Variants in PHACTR2 observed in about 807,000 individuals in gnomAD.
PHACTR2 encodes chromosome 6 open reading frame 56.
PHACTR2 carries 30 observed loss-of-function variants against 76.0 expected under a neutral mutation model. The ratio of observed to expected loss-of-function variants is 0.39; its 90% CI spans 0.30 to 0.54. PHACTR2 has a LOEUF of 0.54. Ranked by LOEUF, PHACTR2 falls within the 20% of genes least tolerant of loss-of-function variation. The pLI, the probability that PHACTR2 is intolerant of heterozygous loss-of-function variation, is 0.61. For missense variants in PHACTR2, 696 were observed against 781.1 expected (o/e 0.89, Z 1.30); for synonymous variants, 292 against 292.5 (o/e 1.00, Z 0.02).
rs1307746615 is a variant in PHACTR2 at position 143,742,388 on chromosome 6, G to A, written c.215-6597G>A. ...AGTTCTCCTCTTGCGGAGGCAAGGT[G>A]GCCACTAGCCACTCTTGCTCATATT... On this transcript the variant is annotated intron_variant, in intron 2 of 12. Coordinates refer to ENST00000440869, the MANE Select transcript of PHACTR2 (RefSeq NM_001100164.2). The surrounding 1 kb of genome is among the most constrained non-coding windows in gnomAD (Gnocchi z 4.5). 3.3e-5 allele frequency among the ~76,000 whole-genome samples: 5 copies of A among 152,162 alleles called. No individual in the cohort carries two copies. In the East Asian group the frequency reaches 7.7e-4, roughly 23 times the overall value.
At chr6:143,567,510 T>C (rs1239749627) in intron 1 of PHACTR2, among the ~76,000 whole-genome samples, 1 of 152,246 alleles carries the variant, frequency 6.6e-6, no homozygotes, top group Non-Finnish European at 1.5e-5. Flanking sequence ...GTGATTCTTC[T>C]GTCTGAGCCT....
chr6:143,802,473 C>T (rs1362699516), intron 11 of PHACTR2, among the ~76,000 whole-genome samples: 1 of 141,784 alleles, frequency 7.1e-6, no homozygotes. Flanking sequence ...AACCTCATCT[C>T]CACAAATTTT....
chr6:143,789,158 G>T lies in PHACTR2; in HGVS notation c.1845+248G>T. The T allele has an allele frequency of 3.0e-6, 1 of 333,244 alleles. No individual in the cohort carries two copies. Among genetic ancestry groups the T allele is most frequent in the Admixed American group, 4.1e-5 (1 of 24,420 alleles). The allele number at this position is 333,244 out of a possible 1,614,324, so 20.6% of individuals were successfully genotyped here. ...ACCTGCTTTCATACCTGGATGAGGA[G>T]GGCTTTCTCACATCCAGGATTTATC... On this transcript the variant is annotated intron_variant, in intron 11 of 12. Transcript: ENST00000440869. The surrounding 1 kb of genome is among the most constrained non-coding windows in gnomAD (Gnocchi z 5.1).
chr6:143,661,404 G>C (rs1276943315), intron 1 of PHACTR2, among the ~76,000 whole-genome samples: 1 of 151,918 alleles, frequency 6.6e-6, no homozygotes, highest in African/African-American at 2.4e-5. Context: ...GTGGGTTTTA[G>C]AATATTTAGA....
intron 1 of PHACTR2, among the ~76,000 whole-genome samples, chr6:143,576,364 G>A (rs1338771238): frequency 6.6e-6 from 1 of 152,176 alleles, no homozygotes; most frequent in Non-Finnish European, 1.5e-5. Context: ...TCCTGAAAAA[G>A]CAAGTTTGCT....
In PHACTR2 at chr6:143,801,391, C is replaced by T. The variant is rs1023981889; in HGVS notation, c.1846-5666C>T. The stretch of plus-strand genomic sequence containing the variant: ...TCTCATATTTATTGGAGGCTTTGTT[C>T]ATTTCTTTTCACTCCTTATTCTCTA... On this transcript the variant is annotated intron_variant, in intron 11 of 12. Coordinates refer to ENST00000440869, the MANE Select transcript of PHACTR2 (RefSeq NM_001100164.2). This position sits in a 1 kb window ranked among gnomAD's most constrained non-coding sequence, Gnocchi z 4.6. Among the ~76,000 whole-genome samples the T allele has an allele frequency of 6.6e-6, 1 of 152,120 alleles. No homozygotes were observed. The highest frequency in any genetic ancestry group is 2.4e-5 in the African/African-American group (1 of 41,412).
chr6:143,762,877 A>AT lies in PHACTR2; in HGVS notation c.694+2246dup, dbSNP rs77874513. On this transcript the variant is annotated intron_variant, in intron 5 of 12. Coordinates refer to ENST00000440869, the MANE Select transcript of PHACTR2 (RefSeq NM_001100164.2). The stretch of plus-strand genomic sequence containing the variant: ...AAGTACTTAACTGAGGAGAGGCGAC[A>AT]TTTTTTTTTATCATGCCCTTAATTG... 3.8e-3 allele frequency among the ~76,000 whole-genome samples: 572 copies of AT among 151,594 alleles called. 16 individuals are homozygous for AT. In the East Asian group the frequency reaches 0.064, roughly 17 times the overall value.
intron 12 of PHACTR2, among the ~76,000 whole-genome samples, chr6:143,808,373 C>G (rs968715519): frequency 5.3e-5 from 8 of 152,016 alleles, no homozygotes; most frequent in African/African-American, 1.9e-4. Flanking sequence ...GAGTGATCCG[C>G]CCACCTCAGC....
intron 1 of PHACTR2, among the ~76,000 whole-genome samples, chr6:143,705,540 C>T (rs1778033320): frequency 6.6e-6 from 1 of 152,174 alleles, no homozygotes; most frequent in Admixed American, 6.5e-5. Flanking sequence ...GCGTGATCTG[C>T]CCACCTCAGC....
rs1779288726 is a variant in PHACTR2, at chr6:143,755,983, T to A, written c.454+2071T>A. Among the ~76,000 whole-genome samples, 1 of 152,004 alleles carries A rather than the reference T, an allele frequency of 6.6e-6. No homozygotes were observed. The highest frequency in any genetic ancestry group is 6.5e-5 in the Admixed American group (1 of 15,268). On this transcript the variant is annotated intron_variant, in intron 4 of 12. Transcript: ENST00000440869. The surrounding 1 kb of genome is among the most constrained non-coding windows in gnomAD (Gnocchi z 5.2). ...CTGCCGTGCAAACCCCACCATCCCA[T>A]GATCTTAATTCACCCTTTATTTTGG...
intron 1 of PHACTR2, among the ~76,000 whole-genome samples, chr6:143,691,284 A>C (rs1185950482): frequency 1.5e-5 from 2 of 135,220 alleles, no homozygotes; most frequent in East Asian, 4.6e-4. Flanking sequence ...TCTGTATTTA[A>C]ATTAAAAAAA....
Position 143,765,856 on chromosome 6 carries a change from C to A in PHACTR2, c.1232+58C>A. On this transcript the variant is annotated intron_variant, in intron 6 of 12. Transcript: ENST00000440869. The surrounding 1 kb of genome is among the most constrained non-coding windows in gnomAD (Gnocchi z 4.1). ...GAGAACTAAAGATCACTAATATATT[C>A]TGTTGGAAATGAAGCACCGGGTTTG... 7.0e-7 allele frequency: 1 copy of A among 1,418,830 alleles called. No homozygotes were observed. The highest frequency in any genetic ancestry group is 9.7e-7 in the Non-Finnish European group (1 of 1,033,426). 87.9% of individuals were successfully genotyped at this position (1,418,830 alleles called of 1,614,324 possible). A position where few individuals can be genotyped will look rare whatever the true frequency, so the allele number is the denominator to read the frequency against.
chr6:143,638,879 A>G (rs1353321194), intron 1 of PHACTR2, among the ~76,000 whole-genome samples: 1 of 152,082 alleles, frequency 6.6e-6, no homozygotes, highest in Admixed American at 6.5e-5. Context: ...TACTCTGTCA[A>G]TTTTCCTGCC....
Position 143,780,278 on chromosome 6 carries a change from T to A in PHACTR2, c.1645+2895T>A, listed in dbSNP as rs554012844. 6.6e-6 allele frequency among the ~76,000 whole-genome samples: 1 copy of A among 152,184 alleles called. No homozygotes were observed. Among genetic ancestry groups the A allele is most frequent in the African/African-American group, 2.4e-5 (1 of 41,448 alleles). ...CATCTGTTGATCCAGCTTTTTTTAA[T>A]GCACTTTAAGTTTATGTGTGTCTTT... On this transcript the variant is annotated intron_variant, in intron 9 of 12. Coordinates refer to ENST00000440869, the MANE Select transcript of PHACTR2 (RefSeq NM_001100164.2). The surrounding 1 kb of genome is among the most constrained non-coding windows in gnomAD (Gnocchi z 4.4).
intron 2 of PHACTR2, among the ~76,000 whole-genome samples, chr6:143,720,704 TG>T (rs1187905437): frequency 2.6e-5 from 4 of 152,170 alleles, no homozygotes; most frequent in Admixed American, 2.0e-4. Flanking sequence ...CTTGACCGCC[TG>T]GGCTCAAGCA....
At chr6:143,582,007 G>T (rs1156976788) in intron 1 of PHACTR2, among the ~76,000 whole-genome samples, 3 of 152,102 alleles carry the variant, frequency 2.0e-5, no homozygotes, top group Non-Finnish European at 4.4e-5. Context: ...TGGACAAAAG[G>T]CTGTACCGTC....
rs999870519 is a variant in PHACTR2, at chr6:143,647,035, T to C, written c.13+38713T>C. ...TAAAGATTAAGTCTTCACCTTGCTG[T>C]CAGCAGTTACATTTTTTTCTAAGGG... On this transcript the variant is annotated intron_variant, in intron 1 of 11. Coordinates refer to the PHACTR2 transcript ENST00000305766. The surrounding 1 kb of genome is among the most constrained non-coding windows in gnomAD (Gnocchi z 4.2). Among the ~76,000 whole-genome samples, 1 of 152,238 alleles carries C rather than the reference T, an allele frequency of 6.6e-6. No homozygotes were observed. Among genetic ancestry groups the C allele is most frequent in the Non-Finnish European group, 1.5e-5 (1 of 68,036 alleles).
In PHACTR2 at chr6:143,617,375, A is replaced by G. The variant is rs576495765; in HGVS notation, c.13+9053A>G. On this transcript the variant is annotated intron_variant, in intron 1 of 11. Coordinates refer to the PHACTR2 transcript ENST00000305766. The surrounding 1 kb of genome is among the most constrained non-coding windows in gnomAD (Gnocchi z 4.8). ...AAGTCTTGAGGGCAGATGCCACATC[A>G]TAGACATCTTTTATGTCTTCCAAAG... Among the ~76,000 whole-genome samples, 26 of 152,226 alleles carry G rather than the reference A, an allele frequency of 1.7e-4. No individual in the cohort carries two copies. The highest frequency in any genetic ancestry group is 3.5e-4 in the Non-Finnish European group (24 of 68,038).
At chr6:143,542,244 C>T (rs1781177532) in intron 1 of PHACTR2, among the ~76,000 whole-genome samples, 1 of 152,154 alleles carries the variant, frequency 6.6e-6, no homozygotes, top group Non-Finnish European at 1.5e-5. Context: ...GGGAGAGCAC[C>T]CTTTTCTTTG....
Sources: allele counts gnomAD v4.1 joint callset (sites outside exome capture counted in the v4.1 genomes callset), GRCh38; gene constraint gnomAD v4.1.1; non-coding constraint Gnocchi (gnomAD v3.1); transcripts MANE v1.5; gene names NCBI Gene and HGNC (gene_info 2026-07-23, HGNC 2026-07-21).